The following GALNTL6 variants were observed in gnomAD, a reference collection of about 807,000 sequenced individuals.
The protein encoded by GALNTL6 is polypeptide N-acetylgalactosaminyltransferase-like 6.
In GALNTL6, 46 loss-of-function variants were observed where a neutral mutation model predicts 73.7. That is an observed-to-expected ratio of 0.62 (90% CI 0.49 to 0.80). GALNTL6 has a LOEUF of 0.80. GALNTL6 is among the 30% of genes least tolerant of loss of function. The probability of loss-of-function intolerance (pLI) is 0.00; values close to 1 mark genes in which losing one functional copy is unlikely to be tolerated. For missense variants in GALNTL6, 604 were observed against 755.0 expected (o/e 0.80, Z 2.34); for synonymous variants, 259 against 263.7 (o/e 0.98, Z 0.17).
At chr4:172,727,328 A>AT (rs1291117400) in intron 5 of GALNTL6, among the ~76,000 whole-genome samples, 1 of 152,144 alleles carries the variant, frequency 6.6e-6, no homozygotes, top group African/African-American at 2.4e-5. Context: ...TTCTAGTCTC[A>AT]TTTTTTCAAG....
intron 5 of GALNTL6, among the ~76,000 whole-genome samples, chr4:172,655,774 CA>C (rs535374588): frequency 6.6e-6 from 1 of 151,892 alleles, no homozygotes; most frequent in Non-Finnish European, 1.5e-5. Flanking sequence ...TTTTATTTTA[CA>C]AAAAATAAGA....
chr4:172,280,010 A>G (rs768155619), intron 3 of GALNTL6, among the ~76,000 whole-genome samples: 2 of 152,172 alleles, frequency 1.3e-5, no homozygotes, highest in African/African-American at 2.4e-5. Flanking sequence ...TGCTCCACCT[A>G]TATTACATAT....
At chr4:172,129,681 T>A (rs1733400903) in intron 2 of GALNTL6, among the ~76,000 whole-genome samples, 1 of 151,948 alleles carries the variant, frequency 6.6e-6, no homozygotes, top group Admixed American at 6.6e-5. Flanking sequence ...GACCCAAAAG[T>A]AAATTTGACA....
At chr4:171,994,749 T>C (rs1392596668) in intron 2 of GALNTL6, among the ~76,000 whole-genome samples, 1 of 151,630 alleles carries the variant, frequency 6.6e-6, no homozygotes, top group Non-Finnish European at 1.5e-5. Flanking sequence ...ACCAGGAATA[T>C]CTAAGTCAGT....
chr4:172,024,823 C>T (rs745540328), intron 2 of GALNTL6, among the ~76,000 whole-genome samples: 14 of 143,972 alleles, frequency 9.7e-5, no homozygotes, highest in Admixed American at 3.4e-4. Context: ...TCCTTTCTTC[C>T]CTCCCACCCT....
chr4:172,603,852 A>G (rs1300402766), intron 5 of GALNTL6, among the ~76,000 whole-genome samples: 1 of 152,174 alleles, frequency 6.6e-6, no homozygotes, highest in African/African-American at 2.4e-5. Flanking sequence ...ATTGCCTATG[A>G]GAACAAACCA....
chr4:172,997,943 A>T (rs757244702), intron 10 of GALNTL6, among the ~76,000 whole-genome samples: 9 of 152,178 alleles, frequency 5.9e-5, no homozygotes, highest in Non-Finnish European at 1.2e-4. Context: ...TGGCTTTAGG[A>T]AAAGGTGATT....
intron 2 of GALNTL6, among the ~76,000 whole-genome samples, chr4:172,006,796 C>G (rs573260704): frequency 3.3e-5 from 5 of 151,924 alleles, no homozygotes; most frequent in African/African-American, 9.7e-5. Context: ...ATACATGATA[C>G]TAAGACTTTC....
At chr4:172,300,105 A>T (rs1342596707) in intron 3 of GALNTL6, among the ~76,000 whole-genome samples, 1 of 152,110 alleles carries the variant, frequency 6.6e-6, no homozygotes, top group Non-Finnish European at 1.5e-5. Context: ...TGTTGAATTG[A>T]TCCGTTTACC....
intron 9 of GALNTL6, among the ~76,000 whole-genome samples, chr4:172,947,127 A>G (rs1749205806): frequency 2.6e-5 from 4 of 152,166 alleles, no homozygotes; most frequent in Admixed American, 2.0e-4. Flanking sequence ...TTCATCTTAC[A>G]TTATCATCTA....
chr4:171,868,145 C>A (rs567056118), intron 2 of GALNTL6, among the ~76,000 whole-genome samples: 2 of 151,856 alleles, frequency 1.3e-5, no homozygotes, highest in African/African-American at 2.4e-5. Context: ...TATCACCAAG[C>A]CTGGCTATTT....
intron 2 of GALNTL6, among the ~76,000 whole-genome samples, chr4:172,096,025 G>A (rs1732342320): frequency 6.7e-6 from 1 of 149,714 alleles, no homozygotes; most frequent in Non-Finnish European, 1.5e-5. Context: ...CAAGCTTCCT[G>A]GATTGATGTG....
intron 2 of GALNTL6, among the ~76,000 whole-genome samples, chr4:172,063,988 C>T (rs1030385730): frequency 6.6e-5 from 10 of 152,148 alleles, no homozygotes; most frequent in African/African-American, 2.4e-4. Flanking sequence ...TATCCAAATC[C>T]TTCTCCTGCA....
intron 5 of GALNTL6, among the ~76,000 whole-genome samples, chr4:172,571,126 A>G (rs1736744982): frequency 6.6e-6 from 1 of 152,120 alleles, no homozygotes; most frequent in African/African-American, 2.4e-5. Context: ...GGGGTTGGGG[A>G]CCCTAGTTTA....
At chr4:171,821,361 T>G (rs2110803968) in intron 2 of GALNTL6, among the ~76,000 whole-genome samples, 1 of 152,190 alleles carries the variant, frequency 6.6e-6, no homozygotes, top group East Asian at 1.9e-4. Context: ...ATTTCTGACA[T>G]GTCTCCCCAG....
At chr4:172,500,831 C>A (rs1260478581) in intron 5 of GALNTL6, among the ~76,000 whole-genome samples, 4 of 152,186 alleles carry the variant, frequency 2.6e-5, no homozygotes, top group Admixed American at 2.0e-4. Flanking sequence ...ACGGTTGAAG[C>A]AAAGATTAAA....
At chr4:172,000,164 C>T (rs1740626763) in intron 2 of GALNTL6, among the ~76,000 whole-genome samples, 1 of 151,888 alleles carries the variant, frequency 6.6e-6, no homozygotes. Flanking sequence ...CTTGAAGAGC[C>T]ATAGAACAAT....
intron 3 of GALNTL6, among the ~76,000 whole-genome samples, chr4:172,257,835 G>C (rs1399561149): frequency 6.6e-6 from 1 of 151,304 alleles, no homozygotes; most frequent in Admixed American, 6.6e-5. Context: ...ATGCAGAGAA[G>C]CCTATCTGAT....
intron 7 of GALNTL6, among the ~76,000 whole-genome samples, chr4:172,828,047 C>T (rs1048615547): frequency 1.6e-4 from 25 of 151,524 alleles, no homozygotes; most frequent in African/African-American, 5.1e-4. Flanking sequence ...CAAGCCAGGC[C>T]GATCACCTGA....
Sources: gnomAD v4.1 joint callset for allele counts (sites outside exome capture counted in the v4.1 genomes callset) on GRCh38, gnomAD v4.1.1 for gene constraint, MANE v1.5 for transcripts, NCBI Gene and HGNC (gene_info 2026-07-23, HGNC 2026-07-21) for gene names.